The following SEPTIN7 variants were observed in gnomAD, a reference collection of about 807,000 sequenced individuals.
SEPTIN7 encodes septin 7.
Under a neutral mutation model 63.3 loss-of-function variants are expected in SEPTIN7, and 10 were observed. The ratio of observed to expected loss-of-function variants is 0.16; its 90% confidence interval spans 0.10 to 0.27. The LOEUF (loss-of-function observed/expected upper bound fraction) is 0.27. SEPTIN7 is among the 10% of genes least tolerant of loss of function. The pLI, the probability that SEPTIN7 is intolerant of heterozygous loss-of-function variation, is 1.00. For synonymous variants in SEPTIN7, 131 were observed against 165.3 expected (o/e 0.79, Z 1.59); for missense variants, 310 against 521.0 (o/e 0.59, Z 3.94).
intron 4 of SEPTIN7, among the ~76,000 whole-genome samples, chr7:35,871,115 A>G (rs1444527837): frequency 6.6e-6 from 1 of 152,200 alleles, no homozygotes; most frequent in African/African-American, 2.4e-5. Flanking sequence ...TGCCAATAGT[A>G]TATATTTGGT....
chr7:35,812,128 C>CAAAAAAAAAAAAACAAAAAAAAAAAAAA (rs1788760863), intron 1 of SEPTIN7: 1 of 115,104 alleles, frequency 8.7e-6, no homozygotes, highest in African/African-American at 3.3e-5. Context: ...GTCTCCAAAA[C>CAAAAAAAAAAAAACAAAAAAAAAAAAAA]AAAAAAAAAA....
chr7:35,857,879 C>CA (rs1295345305), intron 3 of SEPTIN7, among the ~76,000 whole-genome samples: 2 of 151,140 alleles, frequency 1.3e-5, no homozygotes, highest in Admixed American at 1.3e-4. Flanking sequence ...GAAAGTTACT[C>CA]AAAAAAAGGG....
In SEPTIN7 at chr7:35,863,668, T is replaced by G. The variant is rs1342603211; in HGVS notation, c.276+10T>G. The G allele has an allele frequency of 1.6e-6, 2 of 1,288,912 alleles. No homozygotes were observed. Among genetic ancestry groups the G allele is most frequent in the Non-Finnish European group, 2.2e-6 (2 of 923,852 alleles). 79.8% of individuals were successfully genotyped at this position (1,288,912 alleles called of 1,614,324 possible). A position where few individuals can be genotyped will look rare whatever the true frequency, so the allele number is the denominator to read the frequency against. On this transcript the variant is annotated intron_variant, in intron 4 of 13. Coordinates refer to ENST00000350320, the MANE Select transcript of SEPTIN7 (RefSeq NM_001788.6). Reference sequence around the variant, plus strand: ...TAAAAAGACTGTACAGGTATGGATATTAGTATTGTTAATTGATAAGCTGGA... The same window carrying G: ...TAAAAAGACTGTACAGGTATGGATAGTAGTATTGTTAATTGATAAGCTGGA...
Position 35,859,145 on chromosome 7 carries a change from A to G in SEPTIN7, c.170-4407A>G, listed in dbSNP as rs188716819. ...TTTTTATATAAGTGTTTACAACTAT[A>G]AATTTCCTTCTCAGCACTGCTTTTT... On this transcript the variant is annotated intron_variant, in intron 3 of 13. Transcript: ENST00000350320. 2.7e-3 allele frequency among the ~76,000 whole-genome samples: 407 copies of G among 152,262 alleles called. 2 individuals carry two copies. The highest frequency in any genetic ancestry group is 9.4e-3 in the African/African-American group (390 of 41,556).
chr7:35,833,611 A>G (rs1251337353), intron 3 of SEPTIN7, among the ~76,000 whole-genome samples: 2 of 152,008 alleles, frequency 1.3e-5, no homozygotes, highest in Non-Finnish European at 2.9e-5. Context: ...TTTTCACCTC[A>G]TATAGGCTGA....
chr7:35,915,434 T>A, the SEPTIN7 span, among the ~76,000 whole-genome samples: 1 of 152,236 alleles, frequency 6.6e-6, no homozygotes, highest in Non-Finnish European at 1.5e-5. Context: ...ATTTTGCAAT[T>A]AAAAGGCATT....
At chr7:35,833,089 T>C (rs17617578) in intron 3 of SEPTIN7, among the ~76,000 whole-genome samples, 189 bp downstream of exon 3, 2,648 of 152,146 alleles carry the variant, frequency 0.017, 43 homozygotes, top group Middle Eastern at 0.027. Flanking sequence ...TTGCCTCTTA[T>C]TTTAAGGTAG....
chr7:35,873,893 G>A, intron 6 of SEPTIN7, 118 bp downstream of exon 6: 1 of 925,094 alleles, frequency 1.1e-6, no homozygotes, highest in Non-Finnish European at 1.6e-6. Flanking sequence ...CCATTATGAA[G>A]TACTAAATTT....
rs1486149420 is a variant in SEPTIN7, at chr7:35,882,469, C to T, written c.631-15C>T. 2 of 1,442,650 alleles carry T rather than the reference C, an allele frequency of 1.4e-6. No individual in the cohort carries two copies. Among genetic ancestry groups the T allele is most frequent in the East Asian group, 2.7e-5 (1 of 37,692 alleles). The allele number at this position is 1,442,650 out of a possible 1,614,324, so 89.4% of individuals were successfully genotyped here. Reference sequence around the variant, plus strand: ...ATGTATGGTGCTCTTTTGCTGACTACTTCTTCCATTTTAGATAATGAAAGA... The same window carrying T: ...ATGTATGGTGCTCTTTTGCTGACTATTTCTTCCATTTTAGATAATGAAAGA... On this transcript the variant is annotated splice_polypyrimidine_tract_variant and intron_variant, in intron 7 of 13. Coordinates refer to ENST00000350320, the MANE Select transcript of SEPTIN7 (RefSeq NM_001788.6).
intron 3 of SEPTIN7, among the ~76,000 whole-genome samples, chr7:35,834,133 A>G (rs1783967068): frequency 6.6e-6 from 1 of 151,968 alleles, no homozygotes; most frequent in South Asian, 2.1e-4. Context: ...TAACATCATC[A>G]TTATATGAAG....
chr7:35,913,399 T>TTC, the SEPTIN7 span, among the ~76,000 whole-genome samples: 300 of 151,702 alleles, frequency 2.0e-3, 4 homozygotes, highest in South Asian at 3.5e-3. Flanking sequence ...CTTTCTTTCT[T>TTC]TCTTTCTCTT....
intron 3 of SEPTIN7, among the ~76,000 whole-genome samples, chr7:35,836,651 A>T (rs1784096217): frequency 6.6e-6 from 1 of 152,124 alleles, no homozygotes; most frequent in Non-Finnish European, 1.5e-5. Flanking sequence ...TATCAGAGAA[A>T]GTTTAGGAGT....
At chr7:35,811,368 C>G (rs1161614121) in intron 1 of SEPTIN7, among the ~76,000 whole-genome samples, 1 of 151,888 alleles carries the variant, frequency 6.6e-6, no homozygotes, top group Non-Finnish European at 1.5e-5. Flanking sequence ...AGTATATAAA[C>G]TTGGTTTCTT....
chr7:35,877,269 A>T (rs947313196), intron 6 of SEPTIN7, among the ~76,000 whole-genome samples: 3 of 152,160 alleles, frequency 2.0e-5, no homozygotes, highest in African/African-American at 7.2e-5. Context: ...AGGGGATTTA[A>T]GACAAGGAGA....
At chr7:35,870,326 T>G (rs1786070212) in intron 4 of SEPTIN7, among the ~76,000 whole-genome samples, 1 of 152,228 alleles carries the variant, frequency 6.6e-6, no homozygotes, top group Non-Finnish European at 1.5e-5. Context: ...ATTTAAGCTG[T>G]TAAGTTAAAA....
At chr7:35,858,682 T>C (rs1256281768) in intron 3 of SEPTIN7, among the ~76,000 whole-genome samples, 1 of 124,382 alleles carries the variant, frequency 8.0e-6, no homozygotes, top group Non-Finnish European at 1.8e-5. Context: ...TTTCTTTTTC[T>C]TTTTTTTTTT....
At chr7:35,887,163 A>G (rs538741107) in intron 10 of SEPTIN7, among the ~76,000 whole-genome samples, 21 of 152,364 alleles carry the variant, frequency 1.4e-4, no homozygotes, top group African/African-American at 4.8e-4. Flanking sequence ...ATGACAGTAT[A>G]TAAGTAGAGA....
At chr7:35,814,658 C>G (rs113328580) in intron 1 of SEPTIN7, among the ~76,000 whole-genome samples, 1 of 151,918 alleles carries the variant, frequency 6.6e-6, no homozygotes, top group Non-Finnish European at 1.5e-5. Flanking sequence ...TTTCTGTTTA[C>G]ATGTACATGA....
In SEPTIN7 at chr7:35,903,018, A is replaced by G. The variant is rs145698736; in HGVS notation, c.1135-58A>G. 3.5e-4 allele frequency: 525 copies of G among 1,501,664 alleles called. 5 individuals carry two copies. In the East Asian group the frequency reaches 0.013, roughly 37 times the overall value. 93.0% of individuals were successfully genotyped at this position (1,501,664 alleles called of 1,614,324 possible). On this transcript the variant is annotated intron_variant, in intron 12 of 13. Coordinates refer to ENST00000350320, the MANE Select transcript of SEPTIN7 (RefSeq NM_001788.6). ...TATCATTAGGGTGTCTGGATGAAAC[A>G]TACCTCTGCTTCTGATTTCTTAAAT...
Sources: gnomAD v4.1 joint callset for allele counts (sites outside exome capture counted in the v4.1 genomes callset) on GRCh38, gnomAD v4.1.1 for gene constraint, MANE v1.5 for transcripts, NCBI Gene and HGNC (gene_info 2026-07-23, HGNC 2026-07-21) for gene names.